The following ADAMTSL3 variants were observed in gnomAD, a reference collection of about 807,000 sequenced individuals.
ADAMTSL3 encodes the protein ADAMTS like 3.
In ADAMTSL3, 128 loss-of-function variants were observed where a neutral mutation model predicts 201.7. That is an observed-to-expected ratio of 0.63 (90% CI 0.55 to 0.73). ADAMTSL3 has a LOEUF of 0.73. Among genes scored for constraint, ADAMTSL3 ranks in the 30% least tolerant of loss-of-function variants. The probability of loss-of-function intolerance (pLI) is 0.00; values close to 1 mark genes in which losing one functional copy is unlikely to be tolerated. For missense variants in ADAMTSL3, 1,990 were observed against 2,119.6 expected (o/e 0.94, Z 1.20); for synonymous variants, 738 against 748.4 (o/e 0.99, Z 0.23).
At chr15:83,929,783 GAC>G (rs144659875) in intron 17 of ADAMTSL3, among the ~76,000 whole-genome samples, 9 of 147,868 alleles carry the variant, frequency 6.1e-5, no homozygotes, top group East Asian at 4.0e-4. Context: ...GACAGAGACA[GAC>G]ACACACACAC....
intron 3 of ADAMTSL3, among the ~76,000 whole-genome samples, chr15:83,740,473 T>G (rs914953982): frequency 1.3e-5 from 2 of 152,202 alleles, no homozygotes; most frequent in African/African-American, 4.8e-5. Flanking sequence ...GTAAGAGAAC[T>G]GCATATCAAA....
At chr15:83,833,874 C>T (rs374814689) in intron 6 of ADAMTSL3, among the ~76,000 whole-genome samples, 9 of 152,114 alleles carry the variant, frequency 5.9e-5, no homozygotes, top group African/African-American at 1.2e-4. Context: ...ATAAACATGT[C>T]GGAAGTTTTG....
intron 15 of ADAMTSL3, 106 bp downstream of exon 15, chr15:83,899,837 G>A (rs890406992): frequency 2.1e-6 from 3 of 1,406,520 alleles, no homozygotes; most frequent in East Asian, 2.6e-5. Flanking sequence ...ATATCCAAAT[G>A]ACCTGGATTT....
intron 3 of ADAMTSL3, among the ~76,000 whole-genome samples, chr15:83,751,814 G>C (rs1357077846): frequency 6.6e-6 from 1 of 152,116 alleles, no homozygotes; most frequent in Non-Finnish European, 1.5e-5. Flanking sequence ...ATTTCCCACA[G>C]TGTTCAAGTG....
chr15:83,693,021 A>T (rs11636516), intron 2 of ADAMTSL3, among the ~76,000 whole-genome samples: 129,775 of 152,130 alleles, frequency 0.85, 55,839 homozygotes, highest in East Asian at 0.96. Flanking sequence ...TCAGGTTGGG[A>T]GGTGTCTCAT....
chr15:83,906,659 C>T (rs1229702858), intron 15 of ADAMTSL3, among the ~76,000 whole-genome samples: 1 of 99,360 alleles, frequency 1.0e-5, no homozygotes, highest in East Asian at 2.8e-4. Flanking sequence ...CACACACACA[C>T]ACACACACAC....
intron 3 of ADAMTSL3, among the ~76,000 whole-genome samples, chr15:83,716,646 ATTAT>A (rs972978173): frequency 6.7e-6 from 1 of 150,304 alleles, no homozygotes; most frequent in Non-Finnish European, 1.5e-5. Flanking sequence ...TGTGTTTGTA[ATTAT>A]TTCTATTTTT....
At chr15:83,658,808 T>C (rs1324680012) in intron 2 of ADAMTSL3, among the ~76,000 whole-genome samples, 1 of 152,238 alleles carries the variant, frequency 6.6e-6, no homozygotes, top group African/African-American at 2.4e-5. Flanking sequence ...AACTTTATCC[T>C]GAACACCTTG....
At chr15:83,716,353 A>G (rs2062018214) in intron 3 of ADAMTSL3, among the ~76,000 whole-genome samples, 1 of 151,962 alleles carries the variant, frequency 6.6e-6, no homozygotes, top group East Asian at 1.9e-4. Flanking sequence ...AAACACACAC[A>G]CACACACACA....
At chr15:83,843,837 T>C (rs1004167642) in intron 7 of ADAMTSL3, among the ~76,000 whole-genome samples, 2 of 152,230 alleles carry the variant, frequency 1.3e-5, no homozygotes, top group African/African-American at 4.8e-5. Flanking sequence ...AAACCTTTGC[T>C]ATGAAAAATA....
intron 5 of ADAMTSL3, among the ~76,000 whole-genome samples, chr15:83,811,934 C>T (rs1299371179): frequency 2.6e-5 from 4 of 152,184 alleles, no homozygotes; most frequent in East Asian, 1.9e-4. Context: ...CAGCTGTGCA[C>T]GCCCAAGCTG....
chr15:83,857,418 T>C (rs1331558638), intron 7 of ADAMTSL3, among the ~76,000 whole-genome samples: 1 of 152,196 alleles, frequency 6.6e-6, no homozygotes, highest in Non-Finnish European at 1.5e-5. Context: ...TTTTAAAGTC[T>C]TCAATGTGTA....
At chr15:83,918,904 A>C (rs2066085602) in intron 16 of ADAMTSL3, among the ~76,000 whole-genome samples, 1 of 152,188 alleles carries the variant, frequency 6.6e-6, no homozygotes, top group African/African-American at 2.4e-5. Flanking sequence ...TTAGACCGGA[A>C]TGGTGACCAT....
At chr15:83,851,734 C>T (rs2064619335) in intron 7 of ADAMTSL3, among the ~76,000 whole-genome samples, 2 of 152,048 alleles carry the variant, frequency 1.3e-5, no homozygotes, top group African/African-American at 2.4e-5. Flanking sequence ...TGTATCCTTC[C>T]GGGGATGAGG....
rs1033087038 is a variant in ADAMTSL3, at chr15:84,038,683, T to A, written c.*877T>A. 1 of 152,624 alleles carries A rather than the reference T, an allele frequency of 6.6e-6. No individual in the cohort carries two copies. The highest frequency in any genetic ancestry group is 1.5e-5 in the Non-Finnish European group (1 of 68,042). The allele number at this position is 152,624 out of a possible 1,614,324, so 9.5% of individuals were successfully genotyped here. A position where few individuals can be genotyped will look rare whatever the true frequency, so the allele number is the denominator to read the frequency against. On this transcript the variant is annotated 3_prime_UTR_variant, in exon 30 of 30. Transcript: ENST00000286744. ...TGAGAACTTTATTTTGGAAAATTTA[T>A]AAGAAAGTAATCCAAATAAGAAACA...
intron 4 of ADAMTSL3, among the ~76,000 whole-genome samples, chr15:83,792,175 T>A (rs1168645391): frequency 6.6e-6 from 1 of 151,914 alleles, no homozygotes. Flanking sequence ...AAGAAAAAAA[T>A]AACCTGATTA....
At chr15:83,968,764 G>A (rs768183307) in intron 19 of ADAMTSL3, among the ~76,000 whole-genome samples, 50 of 152,168 alleles carry the variant, frequency 3.3e-4, no homozygotes, top group Non-Finnish European at 5.6e-4. Flanking sequence ...CAACCCAAAT[G>A]CCCATCAATA....
At chr15:83,757,733 C>G (rs914242983) in intron 3 of ADAMTSL3, among the ~76,000 whole-genome samples, 1 of 152,152 alleles carries the variant, frequency 6.6e-6, no homozygotes, top group Non-Finnish European at 1.5e-5. Flanking sequence ...CTTTTATGCT[C>G]TGTTTTCATT....
intron 25 of ADAMTSL3, among the ~76,000 whole-genome samples, chr15:84,017,250 T>C (rs1465950243): frequency 1.3e-5 from 2 of 152,152 alleles, no homozygotes; most frequent in Non-Finnish European, 2.9e-5. Flanking sequence ...CCCAAGTAGC[T>C]GGGACTACAG....
Sources: allele counts gnomAD v4.1 joint callset (sites outside exome capture counted in the v4.1 genomes callset), GRCh38; gene constraint gnomAD v4.1.1; transcripts MANE v1.5; gene names NCBI Gene and HGNC (gene_info 2026-07-23, HGNC 2026-07-21).